Variants in TET1 observed in about 807,000 individuals in gnomAD.
TET1 encodes the protein methylcytosine dioxygenase TET1.
A neutral mutation model predicts 148.7 loss-of-function variants in TET1; 13 were observed. The ratio of observed to expected loss-of-function variants is 0.09; its 90% CI spans 0.06 to 0.14. The LOEUF is 0.14. Among genes scored for constraint, TET1 ranks in the 10% least tolerant of loss-of-function variants. The pLI, the probability that TET1 is intolerant of heterozygous loss-of-function variation, is 1.00. For missense variants in TET1, 2,182 were observed against 2,553.8 expected, an observed-to-expected ratio of 0.85 and a Z score of 3.14; for synonymous variants, 907 against 937.2, an observed-to-expected ratio of 0.97 and a Z score of 0.59.
At chr10:68,656,081 C>G (rs1333640448) in intron 6 of TET1, among the ~76,000 whole-genome samples, 2 of 152,136 alleles carry the variant, frequency 1.3e-5, no homozygotes, top group Non-Finnish European at 2.9e-5. Flanking sequence ...CCACCTCACC[C>G]CCAGATGGGA....
At chr10:68,652,970 A>G (rs952591760) in intron 6 of TET1, among the ~76,000 whole-genome samples, 31 of 150,448 alleles carry the variant, frequency 2.1e-4, no homozygotes, top group African/African-American at 7.1e-4. Flanking sequence ...TAGATTTTTA[A>G]GTAAATTGGC....
chr10:68,685,972 T>C (rs2055503267), intron 10 of TET1, among the ~76,000 whole-genome samples: 1 of 152,196 alleles, frequency 6.6e-6, no homozygotes, highest in Non-Finnish European at 1.5e-5. Context: ...CTATGTGAGC[T>C]AAAATCATAT....
chr10:68,645,005 G>T lies in TET1; in HGVS notation c.2276G>T (p.Gly759Val). 2.5e-6 allele frequency: 4 copies of T among 1,613,614 alleles called. No individual in the cohort carries two copies. Among genetic ancestry groups the T allele is most frequent in the Non-Finnish European group, 3.4e-6 (4 of 1,179,772 alleles). ...TTGTTTGTACAAACCGTAAGAAATG[G>T]CATTAAACATGTACACTGTTTACCA... ...PKLFVQTVRN[G>V]IKHVHCLPAE... The change falls in exon 4 of 12, where the codon GGC becomes GTC. Residue 759 changes from glycine (G) to valine (V), a missense_variant. Gly to Val is a moderately radical substitution (Grantham distance 109). Transcript: ENST00000373644.
At chr10:68,676,557 A>G (rs1181964854) in intron 8 of TET1, among the ~76,000 whole-genome samples, 1 of 151,696 alleles carries the variant, frequency 6.6e-6, no homozygotes, top group Non-Finnish European at 1.5e-5. Context: ...TACAGGCGTA[A>G]GCCACCGTGC....
intron 7 of TET1, among the ~76,000 whole-genome samples, chr10:68,668,347 A>G (rs1185573090): frequency 6.6e-6 from 1 of 152,200 alleles, no homozygotes; most frequent in Non-Finnish European, 1.5e-5. Flanking sequence ...CTTTAAGCAA[A>G]GCAACATATA....
At chr10:68,635,606 T>C (rs1399104106) in intron 3 of TET1, among the ~76,000 whole-genome samples, 1 of 152,202 alleles carries the variant, frequency 6.6e-6, no homozygotes, top group Non-Finnish European at 1.5e-5. Context: ...AATAATACAC[T>C]AATCACCAGA....
intron 2 of TET1, among the ~76,000 whole-genome samples, chr10:68,577,267 C>T (rs1417155506): frequency 1.3e-5 from 2 of 150,922 alleles, no homozygotes; most frequent in Non-Finnish European, 3.0e-5. Flanking sequence ...GGCTGGTCTC[C>T]ATCTCCTGAC....
intron 3 of TET1, among the ~76,000 whole-genome samples, chr10:68,624,840 T>C (rs2132993154): frequency 6.9e-6 from 1 of 144,772 alleles, no homozygotes; most frequent in East Asian, 2.0e-4. Context: ...CACGCCATTC[T>C]CCTGACTCAG....
At chr10:68,641,692 A>G (rs2054757899) in intron 3 of TET1, among the ~76,000 whole-genome samples, 1 of 151,820 alleles carries the variant, frequency 6.6e-6, no homozygotes, top group Non-Finnish European at 1.5e-5. Context: ...TGGTAGAGAC[A>G]GGGTTTCACC....
At chr10:68,678,897 C>T (rs971018710) in intron 8 of TET1, among the ~76,000 whole-genome samples, 12 of 151,900 alleles carry the variant, frequency 7.9e-5, no homozygotes, top group South Asian at 6.2e-4. Flanking sequence ...CTAATAGGGC[C>T]GGGCACAGTG....
At chr10:68,567,936 T>C (rs1010754539) in intron 1 of TET1, among the ~76,000 whole-genome samples, 1 of 151,518 alleles carries the variant, frequency 6.6e-6, no homozygotes, top group Non-Finnish European at 1.5e-5. Flanking sequence ...TGGAGTGCAA[T>C]GGCACGATCT....
intron 10 of TET1, 53 bp downstream of exon 10, chr10:68,683,026 G>A: frequency 1.3e-6 from 2 of 1,592,722 alleles, no homozygotes; most frequent in Non-Finnish European, 1.7e-6. Flanking sequence ...ATATGCTTAG[G>A]CTGCAGTCCT....
chr10:68,650,064 CTAGAT>C (rs1165332990), intron 4 of TET1, among the ~76,000 whole-genome samples: 2 of 152,270 alleles, frequency 1.3e-5, no homozygotes, highest in East Asian at 3.9e-4. Context: ...AAAATAATCT[CTAGAT>C]TAGGATTCCT....
chr10:68,684,922 T>C (rs1254245561), intron 10 of TET1, among the ~76,000 whole-genome samples: 5 of 152,192 alleles, frequency 3.3e-5, no homozygotes, highest in Non-Finnish European at 7.4e-5. Flanking sequence ...AGCATGACTA[T>C]TATTAGTTAT....
chr10:68,672,515 CAAAAAAA>C (rs1207136905), intron 7 of TET1, among the ~76,000 whole-genome samples: 1 of 85,726 alleles, frequency 1.2e-5, no homozygotes, highest in Non-Finnish European at 2.4e-5. Flanking sequence ...AAAAAAACAC[CAAAAAAA>C]AAAAAAAGAA....
intron 3 of TET1, among the ~76,000 whole-genome samples, chr10:68,615,407 A>C (rs1041863726): frequency 6.8e-6 from 1 of 146,648 alleles, no homozygotes; most frequent in African/African-American, 2.5e-5. Context: ...GTGCAGTGGC[A>C]TGATTTCAGC....
chr10:68,562,261 C>G (rs955533992), intron 1 of TET1, among the ~76,000 whole-genome samples: 15 of 152,100 alleles, frequency 9.9e-5, no homozygotes, highest in Non-Finnish European at 1.5e-4. Context: ...CCTCAGGATA[C>G]GAAAAATATG....
At chr10:68,585,235 C>A (rs970098887) in intron 2 of TET1, among the ~76,000 whole-genome samples, 10 of 152,224 alleles carry the variant, frequency 6.6e-5, no homozygotes, top group African/African-American at 1.9e-4. Context: ...AACTCCTGAC[C>A]TCAGGTGATC....
intron 2 of TET1, among the ~76,000 whole-genome samples, chr10:68,597,372 T>C (rs981381720): frequency 1.3e-5 from 2 of 152,154 alleles, no homozygotes; most frequent in Non-Finnish European, 2.9e-5. Flanking sequence ...TAATATATCA[T>C]GGCCACTTTA....
Sources: gnomAD v4.1 joint callset for allele counts (sites outside exome capture counted in the v4.1 genomes callset) on GRCh38, gnomAD v4.1.1 for gene constraint, MANE v1.5 for transcripts, NCBI Gene and HGNC (gene_info 2026-07-23, HGNC 2026-07-21) for gene names.